The following EML5 variants were observed in gnomAD, a reference collection of about 807,000 sequenced individuals.
The protein encoded by EML5 is EMAP like 5, also known as echinoderm microtubule-associated protein-like 5.
A neutral mutation model predicts 250.0 loss-of-function variants in EML5; 120 were observed. That is an observed-to-expected ratio of 0.48 (90% confidence interval 0.41 to 0.56). EML5 has a LOEUF of 0.56. EML5 is among the 20% of genes least tolerant of loss of function. The probability of loss-of-function intolerance (pLI) is 0.00; values close to 1 mark genes in which losing one functional copy is unlikely to be tolerated. For missense variants in EML5, 2,006 were observed against 2,437.6 expected, an observed-to-expected ratio of 0.82 and a Z score of 3.73; for synonymous variants, 771 against 806.5, an observed-to-expected ratio of 0.96 and a Z score of 0.75.
chr14:88,622,678 G>A lies in EML5; in HGVS notation c.4939C>T (p.Leu1647=). 2 of 1,610,116 alleles carry A rather than the reference G, an allele frequency of 1.2e-6. No individual in the cohort carries two copies. Among genetic ancestry groups the A allele is most frequent in the Non-Finnish European group, 1.7e-6 (2 of 1,178,126 alleles). The change falls in exon 37 of 44, where the codon CTG becomes TTG. Residue 1647 remains leucine (L), a synonymous_variant. Coordinates refer to ENST00000554922, the MANE Select transcript of EML5 (RefSeq NM_183387.3). The stretch of plus-strand genomic sequence containing the variant: ...AGCCTGAAGGCACGGCACCGCCTCA[G>A]TTCCTGATCCCACAGTTTAACCGCT... ...GGAVKLWDQE[L]RRCRAFRLET...
intron 8 of EML5, among the ~76,000 whole-genome samples, chr14:88,716,970 C>A (rs1330281449): frequency 1.3e-5 from 2 of 152,152 alleles, no homozygotes; most frequent in African/African-American, 4.8e-5. Context: ...AATATATGAT[C>A]ACTATGGTTT....
intron 7 of EML5, among the ~76,000 whole-genome samples, chr14:88,732,396 G>A (rs939742812): frequency 6.6e-6 from 1 of 152,156 alleles, no homozygotes; most frequent in Non-Finnish European, 1.5e-5. Context: ...TATTATTTCT[G>A]AGGGCTCTGT....
intron 8 of EML5, among the ~76,000 whole-genome samples, chr14:88,718,874 A>G (rs2093545731): frequency 6.6e-6 from 1 of 152,168 alleles, no homozygotes; most frequent in Non-Finnish European, 1.5e-5. Context: ...AAAATAATGG[A>G]CGTACACAAA....
Position 88,687,284 on chromosome 14 carries a change from T to C in EML5, c.2786A>G (p.Asp929Gly). Residue 929 changes from aspartate (D) to glycine (G), a missense_variant, in exon 19 of 44, where the codon GAT becomes GGT. Asp to Gly is a moderately conservative substitution (Grantham distance 94). Transcript: ENST00000554922. ...GGKDGIVALWDDSFERCLKTY... is the reference protein window; with the variant it reads ...GGKDGIVALWGDSFERCLKTY... ...CTTGAGACATCTTTCAAAAGAGTCA[T>C]CCCAAAGAGCTACTATACCATCTTT... is the stretch of plus-strand genomic sequence containing the variant. 6.2e-7 allele frequency: 1 copy of C among 1,612,430 alleles called. No individual in the cohort carries two copies. The highest frequency in any genetic ancestry group is 2.2e-5 in the East Asian group (1 of 44,804).
chr14:88,733,977 G>C (rs189000528), intron 7 of EML5, among the ~76,000 whole-genome samples: 3 of 150,582 alleles, frequency 2.0e-5, no homozygotes. Flanking sequence ...ACAACAACAA[G>C]AATTTTTGCT....
At chr14:88,718,104 T>C (rs2093530297) in intron 8 of EML5, among the ~76,000 whole-genome samples, 1 of 152,138 alleles carries the variant, frequency 6.6e-6, no homozygotes, top group African/African-American at 2.4e-5. Context: ...CTTAGGAACA[T>C]GGATAATGGT....
At chr14:88,747,497 G>C (rs2094023375) in intron 2 of EML5, among the ~76,000 whole-genome samples, 2 of 152,038 alleles carry the variant, frequency 1.3e-5, no homozygotes. Flanking sequence ...CCATGAGTGA[G>C]AATGGGCAAG....
intron 10 of EML5, among the ~76,000 whole-genome samples, chr14:88,709,273 A>G (rs2093366694): frequency 6.6e-6 from 1 of 152,130 alleles, no homozygotes. Context: ...ACTGAAATTA[A>G]GAACTGGCCA....
At chr14:88,651,020 A>G (rs2091595048) in intron 27 of EML5, among the ~76,000 whole-genome samples, 1 of 152,168 alleles carries the variant, frequency 6.6e-6, no homozygotes, top group Admixed American at 6.6e-5. Context: ...TAAATAAACC[A>G]TGAACCATAT....
intron 33 of EML5, among the ~76,000 whole-genome samples, chr14:88,631,042 G>C (rs1312673666): frequency 6.6e-6 from 1 of 152,136 alleles, no homozygotes; most frequent in African/African-American, 2.4e-5. Context: ...ATGGGCAACT[G>C]CCTGTCACTA....
At chr14:88,789,027 C>T (rs1192365137) in intron 1 of EML5, among the ~76,000 whole-genome samples, 1 of 151,080 alleles carries the variant, frequency 6.6e-6, no homozygotes, top group African/African-American at 2.4e-5. Flanking sequence ...TGCACCATTG[C>T]ACTATAGCCT....
chr14:88,759,704 A>AAAAAAAG (rs2094212056), intron 1 of EML5, among the ~76,000 whole-genome samples: 1 of 150,224 alleles, frequency 6.7e-6, no homozygotes, highest in Non-Finnish European at 1.5e-5. Flanking sequence ...AAAAAAAAAA[A>AAAAAAAG]CTGGGGAGAA....
chr14:88,617,150 C>CT (rs1358683137), intron 41 of EML5: 6,333 of 184,320 alleles, frequency 0.034, 52 homozygotes, highest in African/African-American at 0.05. Flanking sequence ...ACTATTTTTT[C>CT]TTTTTTTTTT....
intron 14 of EML5, among the ~76,000 whole-genome samples, chr14:88,697,860 C>A (rs1230799966): frequency 2.0e-5 from 3 of 152,118 alleles, no homozygotes; most frequent in Non-Finnish European, 4.4e-5. Context: ...CTCAGCCTCC[C>A]AAGTAGCTGG....
intron 7 of EML5, among the ~76,000 whole-genome samples, chr14:88,731,231 C>A (rs2093752706): frequency 7.2e-6 from 1 of 138,434 alleles, no homozygotes; most frequent in Non-Finnish European, 1.6e-5. Flanking sequence ...CCCCCCACCC[C>A]ATGACAGGCC....
intron 8 of EML5, 96 bp downstream of exon 8, chr14:88,726,429 AAATAGGTAAAAACAAC>A: frequency 1.3e-6 from 1 of 755,434 alleles, no homozygotes; most frequent in Non-Finnish European, 1.9e-6. Flanking sequence ...AGAAAAGGAT[AAATAGGTAAAAACAAC>A]AAGTATTATA....
chr14:88,696,841 C>G lies in EML5; in HGVS notation c.2344+6G>C. ...TAATTCTTACTGAGACAGCAAACAGCCTTACCTGAGAAATCAACGGCACTA... is the reference window on the plus strand; with the variant it reads ...TAATTCTTACTGAGACAGCAAACAGGCTTACCTGAGAAATCAACGGCACTA... On this transcript the variant is annotated splice_donor_region_variant and intron_variant, in intron 15 of 43. Coordinates refer to ENST00000554922, the MANE Select transcript of EML5 (RefSeq NM_183387.3). The G allele has an allele frequency of 2.5e-6, 4 of 1,593,008 alleles. No homozygotes were observed. The highest frequency in any genetic ancestry group is 3.4e-6 in the Non-Finnish European group (4 of 1,170,380).
intron 1 of EML5, among the ~76,000 whole-genome samples, chr14:88,781,104 A>G (rs2094493575): frequency 6.6e-6 from 1 of 152,214 alleles, no homozygotes; most frequent in African/African-American, 2.4e-5. Context: ...TGTGATGTAA[A>G]CTCACAATTT....
chr14:88,708,370 CTATT>C (rs1434876744), intron 10 of EML5, among the ~76,000 whole-genome samples: 1 of 152,042 alleles, frequency 6.6e-6, no homozygotes, highest in African/African-American at 2.4e-5. Context: ...ATGTAATAGT[CTATT>C]TACTTGTTAA....
Sources: allele counts gnomAD v4.1 joint callset (sites outside exome capture counted in the v4.1 genomes callset), GRCh38; gene constraint gnomAD v4.1.1; transcripts MANE v1.5; gene names NCBI Gene and HGNC (gene_info 2026-07-23, HGNC 2026-07-21).